Variants in NOX4 observed in about 807,000 individuals in gnomAD.
The protein encoded by NOX4 is kidney oxidase-1.
A neutral mutation model predicts 87.6 loss-of-function variants in NOX4; 69 were observed. The observed-to-expected ratio is 0.79, with a 90% CI of 0.65 to 0.96. NOX4 has a LOEUF of 0.96. Among genes scored for constraint, NOX4 ranks in the 40% least tolerant of loss-of-function variants. NOX4 has a pLI of 0.00. For synonymous variants in NOX4, 275 were observed against 238.2 expected, an observed-to-expected ratio of 1.15 and a Z score of -1.42; for missense variants, 680 against 681.5, an observed-to-expected ratio of 1.00 and a Z score of 0.02.
the NOX4 span, among the ~76,000 whole-genome samples, chr11:89,540,344 TC>T: frequency 6.6e-6 from 1 of 152,158 alleles, no homozygotes; most frequent in Admixed American, 6.5e-5. Flanking sequence ...GAGTCATTCT[TC>T]CATTTCTATA....
In NOX4 at chr11:89,400,044, T is replaced by C; in HGVS notation, c.1047A>G (p.Leu349=). ...ITLHCPSVSA[L]ENHPFTLTMC... The stretch of plus-strand genomic sequence containing the variant: ...TTGTGAGGGTAAATGGATGATTTTC[T>C]AATGCAGATACACTGGGACAATGTA... The change falls in exon 11 of 18, where the codon TTA becomes TTG. Residue 349 remains leucine (L), a synonymous_variant. Transcript: ENST00000263317. 1 of 1,609,230 alleles carries C rather than the reference T, an allele frequency of 6.2e-7. No homozygotes were observed. Among genetic ancestry groups the C allele is most frequent in the Admixed American group, 1.7e-5 (1 of 59,708 alleles).
intron 16 of NOX4, 93 bp downstream of exon 16, chr11:89,337,354 G>A (rs1166426807): frequency 2.8e-5 from 44 of 1,572,428 alleles, no homozygotes; most frequent in Non-Finnish European, 2.9e-5. Context: ...ACTTCTGTTC[G>A]AACCACCTGC....
the NOX4 span, chr11:89,545,667 G>T: frequency 6.8e-6 from 1 of 146,038 alleles, no homozygotes; most frequent in Admixed American, 6.9e-5. Context: ...ACTGAAAATA[G>T]TTGGATAAAT....
At chr11:89,475,686 T>G (rs10830277) in intron 2 of NOX4, among the ~76,000 whole-genome samples, 1 of 151,812 alleles carries the variant, frequency 6.6e-6, no homozygotes, top group African/African-American at 2.4e-5. Flanking sequence ...CAGAATACAA[T>G]AGAATAGGAA....
intron 15 of NOX4, among the ~76,000 whole-genome samples, chr11:89,339,198 A>G (rs745906276): frequency 5.5e-4 from 84 of 152,302 alleles, no homozygotes; most frequent in Non-Finnish European, 8.1e-4. Flanking sequence ...AGAATTGTTC[A>G]GTAAACTAGA....
At chr11:89,524,018 A>C in the NOX4 span, among the ~76,000 whole-genome samples, 22 of 152,214 alleles carry the variant, frequency 1.4e-4, no homozygotes, top group Non-Finnish European at 3.1e-4. Flanking sequence ...GGTCATGGAA[A>C]CTTTTGGAAA....
the NOX4 span, among the ~76,000 whole-genome samples, chr11:89,557,717 C>T: frequency 4.8e-4 from 73 of 152,172 alleles, no homozygotes; most frequent in African/African-American, 1.6e-3. Flanking sequence ...TTAGCACTTA[C>T]TCAGGATACC....
At chr11:89,587,328 A>C in the NOX4 span, among the ~76,000 whole-genome samples, 1 of 152,154 alleles carries the variant, frequency 6.6e-6, no homozygotes, top group Non-Finnish European at 1.5e-5. Context: ...GGAGATGGAA[A>C]ACATTTTTTG....
the NOX4 span, among the ~76,000 whole-genome samples, chr11:89,561,079 A>ATATATCCTATCAGTTCTATCTCCCTG: frequency 3.3e-5 from 4 of 122,492 alleles, no homozygotes; most frequent in African/African-American, 1.3e-4. Flanking sequence ...ATATATATAT[A>ATATATCCTATCAGTTCTATCTCCCTG]TATATATCCT....
At chr11:89,348,215 G>A (rs1173785369) in intron 13 of NOX4, among the ~76,000 whole-genome samples, 1 of 151,994 alleles carries the variant, frequency 6.6e-6, no homozygotes, top group Non-Finnish European at 1.5e-5. Context: ...AGGAGTTCAA[G>A]ACTAGCCTGG....
chr11:89,402,538 G>C lies in NOX4; in HGVS notation c.634C>G (p.Leu212Val). 1 of 1,608,556 alleles carries C rather than the reference G, an allele frequency of 6.2e-7. No homozygotes were observed. The highest frequency in any genetic ancestry group is 1.3e-5 in the African/African-American group (1 of 74,844). The change falls in exon 9 of 18, where the codon CTG becomes GTG. Residue 212 changes from leucine to valine, a missense_variant. Coordinates refer to ENST00000263317, the MANE Select transcript of NOX4 (RefSeq NM_016931.5). The stretch of plus-strand genomic sequence containing the variant: ...TCTAAATTAGTTTGATACTTCAGCA[G>C]CCCTCTAAAATTACATTTAAAACAA... The part of the protein sequence containing the change: ...MLLTLHVSGG[L>V]LKYQTNLDTH...
chr11:89,451,889 A>G lies in NOX4; in HGVS notation c.160T>C (p.Leu54=), dbSNP rs1349685841. 7 of 1,610,098 alleles carry G rather than the reference A, an allele frequency of 4.3e-6. No homozygotes were observed. In the African/African-American group the frequency reaches 5.3e-5, roughly 12 times the overall value. ...GATGCTGAGGCTCTGCTTAGACACA[A>G]TCCTAGCTGAACAAATAAGGCAAGG... ...HYLHQMLGLG[L]CLSRASASVL... The change falls in exon 3 of 18, where the codon TTG becomes CTG. Residue 54 remains leucine (L), a synonymous_variant. Coordinates refer to ENST00000263317, the MANE Select transcript of NOX4 (RefSeq NM_016931.5).
chr11:89,528,679 C>T, the NOX4 span, among the ~76,000 whole-genome samples: 1 of 152,106 alleles, frequency 6.6e-6, no homozygotes, highest in Admixed American at 6.5e-5. Context: ...TGCCTTCTGC[C>T]ATGATTGTAA....
chr11:89,516,736 C>T, the NOX4 span, among the ~76,000 whole-genome samples: 463 of 152,086 alleles, frequency 3.0e-3, 3 homozygotes, highest in Non-Finnish European at 2.0e-3. Context: ...TCCTGAAATT[C>T]TTTCAATGCC....
In NOX4 at chr11:89,348,612, G is replaced by T. The variant is rs531729848; in HGVS notation, c.1217+6350C>A. On this transcript the variant is annotated intron_variant, in intron 13 of 17. Coordinates refer to ENST00000263317, the MANE Select transcript of NOX4 (RefSeq NM_016931.5). ...AGCGTGGGTGACAGAGTGAGACCTT[G>T]CCTCAGAAGACAAAGGGTATTCTAG... 8.5e-5 allele frequency among the ~76,000 whole-genome samples: 13 copies of T among 152,260 alleles called. 1 individual carries two copies. In the South Asian group the frequency reaches 2.5e-3, roughly 29 times the overall value.
the NOX4 span, among the ~76,000 whole-genome samples, chr11:89,537,063 T>C: frequency 6.6e-6 from 1 of 152,168 alleles, no homozygotes. Context: ...TGGTGTGAAA[T>C]TTTTGACTGA....
intron 11 of NOX4, among the ~76,000 whole-genome samples, chr11:89,374,398 C>T (rs1939678706): frequency 6.6e-6 from 1 of 152,056 alleles, no homozygotes; most frequent in African/African-American, 2.4e-5. Flanking sequence ...TTTTAAAGTC[C>T]ATAAATTCTG....
intron 11 of NOX4, among the ~76,000 whole-genome samples, chr11:89,385,042 G>A (rs1458254870): frequency 6.6e-6 from 1 of 152,084 alleles, no homozygotes; most frequent in Non-Finnish European, 1.5e-5. Flanking sequence ...CTATCCTTGA[G>A]GCTACCGCTC....
chr11:89,372,382 G>C (rs1411143424), intron 12 of NOX4, among the ~76,000 whole-genome samples: 1 of 151,944 alleles, frequency 6.6e-6, no homozygotes, highest in South Asian at 2.1e-4. Flanking sequence ...TGGCTTTTCT[G>C]TGCTACTACC....
Sources: gnomAD v4.1 joint callset for allele counts (sites outside exome capture counted in the v4.1 genomes callset) on GRCh38, gnomAD v4.1.1 for gene constraint, MANE v1.5 for transcripts, NCBI Gene and HGNC (gene_info 2026-07-23, HGNC 2026-07-21) for gene names.